The following NALCN variants were observed in gnomAD, a reference collection of about 807,000 sequenced individuals.
The protein encoded by NALCN is sodium leak channel NALCN.
NALCN carries 111 observed loss-of-function variants against 225.3 expected under a neutral mutation model. That is an observed-to-expected ratio of 0.49 (90% CI 0.42 to 0.58). The LOEUF is 0.58. Among genes scored for constraint, NALCN ranks in the 20% least tolerant of loss-of-function variants. The probability of loss-of-function intolerance (pLI) is 0.00; values close to 1 mark genes in which losing one functional copy is unlikely to be tolerated. For synonymous variants in NALCN, 764 were observed against 769.0 expected (o/e 0.99, Z 0.11); for missense variants, 1,378 against 2,202.4 (o/e 0.63, Z 7.49).
intron 6 of NALCN, among the ~76,000 whole-genome samples, chr13:101,357,899 G>C (rs1421805447): frequency 6.6e-6 from 1 of 152,086 alleles, no homozygotes; most frequent in Non-Finnish European, 1.5e-5. Flanking sequence ...ACAACCATCT[G>C]ATCTTTGACA....
chr13:101,121,055 T>G (rs996716857), intron 18 of NALCN, among the ~76,000 whole-genome samples: 1 of 152,192 alleles, frequency 6.6e-6, no homozygotes, highest in Non-Finnish European at 1.5e-5. Context: ...AAATTTTGCT[T>G]GGTCAATAGA....
At position 101,317,356 on chromosome 13, in the gene NALCN, A is replaced by C. The variant is rs141134689; in HGVS notation, c.800-24990T>G. Among the ~76,000 whole-genome samples, 20 of 152,376 alleles carry C rather than the reference A, an allele frequency of 1.3e-4. No individual in the cohort carries two copies. The East Asian group carries it at 3.8e-3, about 29-fold the overall frequency. On this transcript the variant is annotated intron_variant, in intron 7 of 43. Coordinates refer to ENST00000251127, the MANE Select transcript of NALCN (RefSeq NM_052867.4). ...AAACTAGACATCCTCTGGAAATGCT[A>C]TGAAAGTCAAGGAAGAATTTTGATC...
At chr13:101,248,238 T>C (rs557483895) in intron 11 of NALCN, among the ~76,000 whole-genome samples, 1 of 151,222 alleles carries the variant, frequency 6.6e-6, no homozygotes, top group South Asian at 2.1e-4. Flanking sequence ...AAAGAGAAAA[T>C]AATAAAGGTG....
intron 17 of NALCN, among the ~76,000 whole-genome samples, chr13:101,130,680 T>A (rs1254275457): frequency 1.3e-5 from 2 of 152,218 alleles, no homozygotes; most frequent in African/African-American, 2.4e-5. Flanking sequence ...TCTATTTTCT[T>A]CTGACATAAA....
At chr13:101,174,640 C>T (rs1380923794) in intron 15 of NALCN, among the ~76,000 whole-genome samples, 1 of 151,984 alleles carries the variant, frequency 6.6e-6, no homozygotes, top group Non-Finnish European at 1.5e-5. Flanking sequence ...TGCAAAGTAT[C>T]CTTAGGTTTG....
At chr13:101,129,986 T>C (rs900866354) in intron 17 of NALCN, among the ~76,000 whole-genome samples, 9 of 152,126 alleles carry the variant, frequency 5.9e-5, no homozygotes, top group Admixed American at 4.6e-4. Context: ...TTTCTGTTCC[T>C]GTGTTAGTTT....
chr13:101,074,685 G>C, intron 35 of NALCN, 23 bp from the exon 36 acceptor site: 5 of 1,587,750 alleles, frequency 3.1e-6, no homozygotes, highest in Non-Finnish European at 4.3e-6. Flanking sequence ...GGTGGGAAGC[G>C]GGGAGACAGA....
At chr13:101,101,281 C>CTTTTTTTTTTTTTTTTTT (rs60948311) in intron 26 of NALCN, among the ~76,000 whole-genome samples, 1 of 112,374 alleles carries the variant, frequency 8.9e-6, no homozygotes, top group East Asian at 2.5e-4. Flanking sequence ...ATTTTTTTTT[C>CTTTTTTTTTTTTTTTTTT]TTTTTTTTTT....
At chr13:101,393,115 T>G (rs1594777912) in intron 3 of NALCN, among the ~76,000 whole-genome samples, 1 of 152,122 alleles carries the variant, frequency 6.6e-6, no homozygotes, top group East Asian at 1.9e-4. Flanking sequence ...CAATTGCAAC[T>G]TATATCACAA....
chr13:101,367,408 T>C (rs1353983114), intron 6 of NALCN, among the ~76,000 whole-genome samples: 1 of 151,830 alleles, frequency 6.6e-6, no homozygotes, highest in Non-Finnish European at 1.5e-5. Flanking sequence ...GATAACACTT[T>C]CTAACTAATT....
chr13:101,185,153 C>G (rs775515328), intron 14 of NALCN, among the ~76,000 whole-genome samples: 2 of 152,244 alleles, frequency 1.3e-5, no homozygotes, highest in East Asian at 1.9e-4. Context: ...TATGGGTCAA[C>G]AAAAAGTCAA....
At chr13:101,077,674 A>G (rs73554860) in intron 34 of NALCN, among the ~76,000 whole-genome samples, 1 of 152,344 alleles carries the variant, frequency 6.6e-6, no homozygotes, top group African/African-American at 2.4e-5. Context: ...GAGTATAAAT[A>G]TTTGGAAAAT....
intron 6 of NALCN, among the ~76,000 whole-genome samples, chr13:101,375,036 C>T (rs918349943): frequency 6.6e-6 from 1 of 152,110 alleles, no homozygotes; most frequent in Non-Finnish European, 1.5e-5. Flanking sequence ...ATAACATAGC[C>T]ATGAGTTACT....
rs1438785572 is a variant in NALCN at position 101,054,540 on chromosome 13, A to G, written c.*755T>C. 2 of 152,232 alleles carry G rather than the reference A, an allele frequency of 1.3e-5. No individual in the cohort carries two copies. Among genetic ancestry groups the G allele is most frequent in the Admixed American group, 1.3e-4 (2 of 15,288 alleles). The allele number at this position is 152,232 out of a possible 1,614,324, so 9.4% of individuals were successfully genotyped here. A position where few individuals can be genotyped will look rare whatever the true frequency, so the allele number is the denominator to read the frequency against. On this transcript the variant is annotated 3_prime_UTR_variant, in exon 44 of 44. Coordinates refer to ENST00000251127, the MANE Select transcript of NALCN (RefSeq NM_052867.4). ...ATTAAAAGGTTTCTTAAGAAACTTAACATCTTTGCGCAACTATGTCACTCA... is the reference window on the plus strand; with the variant it reads ...ATTAAAAGGTTTCTTAAGAAACTTAGCATCTTTGCGCAACTATGTCACTCA...
intron 7 of NALCN, among the ~76,000 whole-genome samples, chr13:101,328,320 TTTC>T (rs1247567697): frequency 1.3e-5 from 2 of 152,178 alleles, no homozygotes; most frequent in African/African-American, 4.8e-5. Context: ...TGTATTTTTT[TTTC>T]TTTTTTGAGA....
intron 18 of NALCN, among the ~76,000 whole-genome samples, chr13:101,121,911 G>C (rs2035994924): frequency 5.9e-5 from 9 of 151,300 alleles, no homozygotes; most frequent in Admixed American, 5.9e-4. Flanking sequence ...TTTTGTGGAA[G>C]GTTATTCGAA....
chr13:101,308,833 A>C (rs923524200), intron 7 of NALCN, among the ~76,000 whole-genome samples: 2 of 152,146 alleles, frequency 1.3e-5, no homozygotes, highest in African/African-American at 2.4e-5. Flanking sequence ...TTTTTTTCTC[A>C]CAAAAGCCAC....
chr13:101,409,380 T>C (rs535995342), intron 1 of NALCN, among the ~76,000 whole-genome samples: 1 of 152,320 alleles, frequency 6.6e-6, no homozygotes, highest in Non-Finnish European at 1.5e-5. Flanking sequence ...CACAATGTCA[T>C]AACACAGATC....
intron 3 of NALCN, among the ~76,000 whole-genome samples, chr13:101,379,323 C>G (rs1228904190): frequency 6.6e-6 from 1 of 152,154 alleles, no homozygotes; most frequent in Non-Finnish European, 1.5e-5. Flanking sequence ...CCTCAAGGAT[C>G]TAGAACCAGA....
Sources: allele counts gnomAD v4.1 joint callset (sites outside exome capture counted in the v4.1 genomes callset), GRCh38; gene constraint gnomAD v4.1.1; transcripts MANE v1.5; gene names NCBI Gene and HGNC (gene_info 2026-07-23, HGNC 2026-07-21).